ADCY2: variants seen among roughly 807,000 people sequenced by gnomAD.
ADCY2 encodes the protein adenylate cyclase 2, also known as adenylate cyclase type 2.
In ADCY2, 31 loss-of-function variants were observed where a neutral mutation model predicts 125.2. That is an observed-to-expected ratio of 0.25 (90% CI 0.19 to 0.33). The LOEUF (loss-of-function observed/expected upper bound fraction) is 0.33. Among genes scored for constraint, ADCY2 ranks in the 10% least tolerant of loss-of-function variants. The pLI is 1.00. For missense variants in ADCY2, 904 were observed against 1,418.2 expected (o/e 0.64, Z 5.82); for synonymous variants, 512 against 548.4 (o/e 0.93, Z 0.93).
In ADCY2 at chr5:7,806,246, C is replaced by T. The variant is rs183151019; in HGVS notation, c.2883+1554C>T. Among the ~76,000 whole-genome samples the T allele has an allele frequency of 3.1e-3, 468 of 152,148 alleles. 5 individuals carry two copies. Among genetic ancestry groups the T allele is most frequent in the African/African-American group, 0.011 (439 of 41,496 alleles). On this transcript the variant is annotated intron_variant, in intron 22 of 24. Coordinates refer to ENST00000338316, the MANE Select transcript of ADCY2 (RefSeq NM_020546.3). ...CCAGAACTAATTACAATTTTAGTTTCCTGGCTTTCATGGAAACAAATATAT... is the reference window on the plus strand; with the variant it reads ...CCAGAACTAATTACAATTTTAGTTTTCTGGCTTTCATGGAAACAAATATAT...
rs532221045 is a variant in ADCY2 at position 7,802,093 on chromosome 5, C to T, written c.2629-125C>T. Reference sequence around the variant, plus strand: ...GGATTGGGCCGCGGCTGGGGTGGGGCAAGTGGAGTAGGCATTTGGGCGATG... The same window carrying T: ...GGATTGGGCCGCGGCTGGGGTGGGGTAAGTGGAGTAGGCATTTGGGCGATG... On this transcript the variant is annotated intron_variant, in intron 20 of 24. Transcript: ENST00000338316. The surrounding 1 kb of genome is among the most constrained non-coding windows in gnomAD (Gnocchi z 4.6). 1.9e-4 allele frequency: 210 copies of T among 1,106,108 alleles called. No homozygotes were observed. Among genetic ancestry groups the T allele is most frequent in the Non-Finnish European group, 2.6e-4 (202 of 778,420 alleles). The allele number at this position is 1,106,108 out of a possible 1,614,324, so 68.5% of individuals were successfully genotyped here.
chr5:7,808,843 A>G (rs1003615887), intron 22 of ADCY2, among the ~76,000 whole-genome samples: 1 of 152,236 alleles, frequency 6.6e-6, no homozygotes, highest in Non-Finnish European at 1.5e-5. Context: ...TGCCCCAGCA[A>G]TGAAACTTGT....
chr5:7,653,829 A>G (rs915855806), intron 4 of ADCY2, among the ~76,000 whole-genome samples: 64 of 152,260 alleles, frequency 4.2e-4, no homozygotes, highest in African/African-American at 1.5e-3. Flanking sequence ...ATAAAATATT[A>G]TTATGTGGGT....
intron 15 of ADCY2, among the ~76,000 whole-genome samples, 196 bp from the exon 16 acceptor site, chr5:7,757,253 C>G (rs1743022318): frequency 6.6e-6 from 1 of 152,156 alleles, no homozygotes; most frequent in South Asian, 2.1e-4. Context: ...AATTTGTTCT[C>G]AATTGGTAGC....
chr5:7,509,906 T>C (rs7734525), intron 2 of ADCY2, among the ~76,000 whole-genome samples: 133,734 of 152,166 alleles, frequency 0.88, 59,707 homozygotes, highest in Non-Finnish European at 0.97. Flanking sequence ...TGCTTTTCAC[T>C]GTAAGAAAGA....
At chr5:7,502,178 C>A (rs900601295) in intron 2 of ADCY2, among the ~76,000 whole-genome samples, 2 of 152,164 alleles carry the variant, frequency 1.3e-5, no homozygotes, top group Admixed American at 6.5e-5. Context: ...AGGATGTGAT[C>A]CCTGATGAAA....
In ADCY2 at chr5:7,677,855, C is replaced by T. The variant is rs571997686; in HGVS notation, c.721-12836C>T. ...GATTGAAATATTAATGCTTCCTAAACCAAGCCAGGCTTGAGCTCAAGTCAG... is the reference window on the plus strand; with the variant it reads ...GATTGAAATATTAATGCTTCCTAAATCAAGCCAGGCTTGAGCTCAAGTCAG... On this transcript the variant is annotated intron_variant, in intron 4 of 24. Coordinates refer to ENST00000338316, the MANE Select transcript of ADCY2 (RefSeq NM_020546.3). 2.6e-5 allele frequency among the ~76,000 whole-genome samples: 4 copies of T among 152,288 alleles called. No homozygotes were observed. In the East Asian group the frequency reaches 7.7e-4, roughly 29 times the overall value.
At chr5:7,568,059 T>C (rs1735961212) in intron 3 of ADCY2, among the ~76,000 whole-genome samples, 1 of 152,134 alleles carries the variant, frequency 6.6e-6, no homozygotes, top group African/African-American at 2.4e-5. Flanking sequence ...ACATTCTGGG[T>C]TTTGTTTTTA....
chr5:7,409,991 CTG>C (rs1323007775), intron 1 of ADCY2, among the ~76,000 whole-genome samples: 4 of 152,168 alleles, frequency 2.6e-5, no homozygotes, highest in Admixed American at 6.5e-5. Context: ...ATATGAAAAA[CTG>C]TATCTCCACA....
chr5:7,704,084 A>G (rs1741181648), intron 7 of ADCY2, among the ~76,000 whole-genome samples: 1 of 152,050 alleles, frequency 6.6e-6, no homozygotes, highest in Admixed American at 6.5e-5. Flanking sequence ...CGTTCCAGGA[A>G]TTGTTTGTCC....
At chr5:7,456,407 GA>G (rs1383697551) in intron 2 of ADCY2, among the ~76,000 whole-genome samples, 1 of 152,104 alleles carries the variant, frequency 6.6e-6, no homozygotes. Context: ...TTACTGCCAG[GA>G]AAACTCAGAG....
chr5:7,489,347 G>T (rs1743071479), intron 2 of ADCY2, among the ~76,000 whole-genome samples: 1 of 152,172 alleles, frequency 6.6e-6, no homozygotes, highest in Non-Finnish European at 1.5e-5. Flanking sequence ...TACATATTGA[G>T]TGTTGCAGTT....
chr5:7,812,130 A>G (rs758227450), intron 22 of ADCY2, among the ~76,000 whole-genome samples: 102 of 152,322 alleles, frequency 6.7e-4, no homozygotes, highest in Non-Finnish European at 5.0e-4. Flanking sequence ...CCAGTGTCAT[A>G]GTAGTTAAGG....
intron 15 of ADCY2, among the ~76,000 whole-genome samples, chr5:7,755,570 C>T (rs1310210024): frequency 6.6e-6 from 1 of 152,154 alleles, no homozygotes; most frequent in African/African-American, 2.4e-5. Context: ...TCCTGTTGCA[C>T]GCACCTTCTC....
At chr5:7,756,232 T>C (rs1042162652) in intron 15 of ADCY2, among the ~76,000 whole-genome samples, 1 of 152,222 alleles carries the variant, frequency 6.6e-6, no homozygotes, top group Non-Finnish European at 1.5e-5. Flanking sequence ...TCCACACTCA[T>C]ACCTGGGAGA....
At chr5:7,409,116 A>G (rs1739616326) in intron 1 of ADCY2, among the ~76,000 whole-genome samples, 1 of 152,200 alleles carries the variant, frequency 6.6e-6, no homozygotes, top group Non-Finnish European at 1.5e-5. Context: ...ATACTTAGCA[A>G]ACTAATGTAG....
At chr5:7,513,078 GACACACACACACAC>G (rs142515106) in intron 2 of ADCY2, among the ~76,000 whole-genome samples, 1 of 124,078 alleles carries the variant, frequency 8.1e-6, no homozygotes, top group African/African-American at 3.0e-5. Flanking sequence ...GAAAATACAT[GACACACACACACAC>G]ACACACACAC....
chr5:7,421,917 CA>C (rs1420584232), intron 2 of ADCY2, among the ~76,000 whole-genome samples: 3 of 152,118 alleles, frequency 2.0e-5, no homozygotes, highest in Non-Finnish European at 4.4e-5. Context: ...CATGTTGAAA[CA>C]AATAAACACT....
At chr5:7,764,183 C>T (rs373182007) in intron 16 of ADCY2, among the ~76,000 whole-genome samples, 141 of 152,322 alleles carry the variant, frequency 9.3e-4, no homozygotes, top group African/African-American at 3.2e-3. Context: ...ACCAACACCT[C>T]AATCAAAAGT....
Sources: gnomAD v4.1 joint callset for allele counts (sites outside exome capture counted in the v4.1 genomes callset) on GRCh38, gnomAD v4.1.1 for gene constraint, Gnocchi (gnomAD v3.1) non-coding constraint, MANE v1.5 for transcripts, NCBI Gene and HGNC (gene_info 2026-07-23, HGNC 2026-07-21) for gene names.